NPAS2: variants seen among roughly 807,000 people sequenced by gnomAD.
The protein encoded by NPAS2 is neuronal PAS domain protein 2, also known as neuronal PAS domain-containing protein 2.
NPAS2 carries 23 observed loss-of-function variants against 107.5 expected under a neutral mutation model. That is an observed-to-expected ratio of 0.21 (90% confidence interval 0.15 to 0.30). The LOEUF is 0.30. Ranked by LOEUF, NPAS2 falls within the 10% of genes least tolerant of loss-of-function variation. The pLI is 1.00. For synonymous variants in NPAS2, 403 were observed against 417.5 expected (o/e 0.97, Z 0.42); for missense variants, 756 against 1,043.3 (o/e 0.72, Z 3.79).
At chr2:100,959,446 C>T (rs1440405143) in intron 7 of NPAS2, among the ~76,000 whole-genome samples, 1 of 152,140 alleles carries the variant, frequency 6.6e-6, no homozygotes, top group Non-Finnish European at 1.5e-5. Flanking sequence ...AGGATTATCA[C>T]GGTGCTCTCC....
intron 2 of NPAS2, among the ~76,000 whole-genome samples, chr2:100,914,398 G>A (rs1287145800): frequency 1.3e-5 from 2 of 152,184 alleles, no homozygotes; most frequent in African/African-American, 4.8e-5. Flanking sequence ...CTCTCAGAGG[G>A]TAGGGAAGCA....
rs202137579 is a variant in NPAS2, at chr2:100,949,374, C to T, written c.492C>T (p.Ser164=). Residue 164 remains serine, a synonymous_variant, in exon 7 of 21, where the codon AGC becomes AGT. Transcript: ENST00000335681. ...SPSPEYLKSD[S]DLEFYCHLLR... Reference sequence around the variant, plus strand: ...CTTCCTTTAACGGCCCAGCTGACAGCGATTTAGAGTTTTATTGCCATCTTC... The same window carrying T: ...CTTCCTTTAACGGCCCAGCTGACAGTGATTTAGAGTTTTATTGCCATCTTC... 43 of 1,606,500 alleles carry T rather than the reference C, an allele frequency of 2.7e-5. No homozygotes were observed. Among genetic ancestry groups the T allele is most frequent in the Non-Finnish European group, 2.6e-5 (31 of 1,173,224 alleles).
In NPAS2 at chr2:100,856,785, C is replaced by A. The variant is rs539604251; in HGVS notation, c.-23+36371C>A. Among the ~76,000 whole-genome samples the A allele has an allele frequency of 2.6e-5, 4 of 152,230 alleles. No homozygotes were observed. The South Asian group carries it at 8.3e-4, about 32-fold the overall frequency. On this transcript the variant is annotated intron_variant, in intron 1 of 20. Coordinates refer to ENST00000335681, the MANE Select transcript of NPAS2 (RefSeq NM_002518.4). ...AATCAAAAGGAAGCACCTGTGGTGC[C>A]AGGGAAGGACCAAACATGAAAAGAG... is the stretch of plus-strand genomic sequence containing the variant.
At chr2:100,878,369 T>C in intron 1 of NPAS2, 1 of 985,412 alleles carries the variant, frequency 1.0e-6, no homozygotes, top group Non-Finnish European at 1.2e-6. Flanking sequence ...GGAATGTCCT[T>C]CTTTGGAAGC....
At chr2:100,897,226 A>G (rs1354131460) in intron 1 of NPAS2, among the ~76,000 whole-genome samples, 2 of 152,150 alleles carry the variant, frequency 1.3e-5, no homozygotes, top group Non-Finnish European at 2.9e-5. Context: ...TGGGAACTAA[A>G]TTCAAGATGA....
chr2:100,923,287 T>C (rs1683353987), intron 2 of NPAS2, among the ~76,000 whole-genome samples: 1 of 152,122 alleles, frequency 6.6e-6, no homozygotes, highest in African/African-American at 2.4e-5. Context: ...TAAAGGGTAG[T>C]GACCACACAC....
At chr2:100,895,078 C>T (rs938421702) in intron 1 of NPAS2, among the ~76,000 whole-genome samples, 1 of 150,768 alleles carries the variant, frequency 6.6e-6, no homozygotes, top group Non-Finnish European at 1.5e-5. Context: ...TTCTAGACAG[C>T]GTATGTGTGT....
At chr2:100,969,096 C>T (rs896419265) in intron 11 of NPAS2, among the ~76,000 whole-genome samples, 3 of 151,688 alleles carry the variant, frequency 2.0e-5, no homozygotes, top group African/African-American at 4.8e-5. Context: ...ATTTTAAGAA[C>T]GTAAATTAGT....
At chr2:100,924,403 A>C (rs1246841397) in intron 2 of NPAS2, among the ~76,000 whole-genome samples, 1 of 152,234 alleles carries the variant, frequency 6.6e-6, no homozygotes, top group African/African-American at 2.4e-5. Context: ...AACCCCTAGC[A>C]ACCACTGATC....
chr2:100,975,219 G>A (rs1044990421), intron 13 of NPAS2: 9 of 579,484 alleles, frequency 1.6e-5, no homozygotes, highest in Non-Finnish European at 2.4e-5. Flanking sequence ...GGAGGCGTCT[G>A]ATCAGGCAGC....
At chr2:100,853,991 A>G (rs1055886910) in intron 1 of NPAS2, among the ~76,000 whole-genome samples, 20 of 139,000 alleles carry the variant, frequency 1.4e-4, no homozygotes, top group Non-Finnish European at 3.0e-4. Context: ...AAAAAAAAAA[A>G]CACAAAAAAT....
Position 100,834,085 on chromosome 2 carries a change from T to C in NPAS2, c.-23+13671T>C, listed in dbSNP as rs748787738. ...AAGCAAAGAGGCCTTTGCTGACTCCTGGAGCTTGCCCGGCACCGAACAGAC... is the reference window on the plus strand; with the variant it reads ...AAGCAAAGAGGCCTTTGCTGACTCCCGGAGCTTGCCCGGCACCGAACAGAC... On this transcript the variant is annotated intron_variant, in intron 1 of 20. Coordinates refer to ENST00000335681, the MANE Select transcript of NPAS2 (RefSeq NM_002518.4). Among the ~76,000 whole-genome samples, 123 of 152,170 alleles carry C rather than the reference T, an allele frequency of 8.1e-4. 5 individuals are homozygous for C. Among genetic ancestry groups the C allele is most frequent in the Non-Finnish European group, 5.1e-4 (35 of 68,028 alleles).
At chr2:100,854,772 A>C (rs1212744354) in intron 1 of NPAS2, among the ~76,000 whole-genome samples, 1 of 152,180 alleles carries the variant, frequency 6.6e-6, no homozygotes, top group Non-Finnish European at 1.5e-5. Flanking sequence ...GAAGCCCCAC[A>C]AAGGGAGTAC....
Position 100,988,314 on chromosome 2 carries a change from A to G in NPAS2, c.1827+38A>G, listed in dbSNP as rs59101822. The G allele has an allele frequency of 6.0e-3, 9,304 of 1,562,858 alleles. 441 individuals carry two copies. The African/African-American group carries it at 0.1, about 18-fold the overall frequency. On this transcript the variant is annotated intron_variant, in intron 17 of 20. Transcript: ENST00000335681. ...CTTGCCAGCTTCACTCCTTGCCTCT[A>G]GAGCAGACACCCTCTTGCAGTTTGG...
In NPAS2 at chr2:100,995,945, C is replaced by A; in HGVS notation, c.*363C>A. On this transcript the variant is annotated 3_prime_UTR_variant, in exon 21 of 21. Transcript: ENST00000335681. ...TAGCCACCTGCGGCCCGCCCATCTG[C>A]GCTAGCTGGCCTTCACGCTCTTGAT... 1 of 1,369,010 alleles carries A rather than the reference C, an allele frequency of 7.3e-7. No homozygotes were observed. Among genetic ancestry groups the A allele is most frequent in the Non-Finnish European group, 9.6e-7 (1 of 1,040,102 alleles). 84.8% of individuals were successfully genotyped at this position (1,369,010 alleles called of 1,614,324 possible). A position where few individuals can be genotyped will look rare whatever the true frequency, so the allele number is the denominator to read the frequency against.
chr2:100,976,352 G>C lies in NPAS2; in HGVS notation c.1392+785G>C, dbSNP rs1238063564. ...CTTAGGCTTCTCCTGGCATGGTGGT[G>C]GACTCCAGGTTCCAAGAGGAGACAC... is the stretch of plus-strand genomic sequence containing the variant. On this transcript the variant is annotated intron_variant, in intron 14 of 20. Coordinates refer to ENST00000335681, the MANE Select transcript of NPAS2 (RefSeq NM_002518.4). The surrounding 1 kb of genome is among the most constrained non-coding windows in gnomAD (Gnocchi z 4.1). Among the ~76,000 whole-genome samples the C allele has an allele frequency of 6.6e-6, 1 of 152,038 alleles. No homozygotes were observed. Among genetic ancestry groups the C allele is most frequent in the Non-Finnish European group, 1.5e-5 (1 of 68,018 alleles).
intron 1 of NPAS2, among the ~76,000 whole-genome samples, chr2:100,888,629 A>G (rs1680859910): frequency 6.6e-6 from 1 of 152,160 alleles, no homozygotes; most frequent in African/African-American, 2.4e-5. Context: ...AGAGTTGTTC[A>G]GGGGAAAATA....
At chr2:100,927,440 A>G (rs1045491471) in intron 3 of NPAS2, among the ~76,000 whole-genome samples, 1 of 152,214 alleles carries the variant, frequency 6.6e-6, no homozygotes, top group Admixed American at 6.5e-5. Flanking sequence ...ATAACTGTAC[A>G]GTTGAATTAA....
At chr2:100,847,321 A>G (rs1336729057) in intron 1 of NPAS2, 1 of 152,220 alleles carries the variant, frequency 6.6e-6, no homozygotes, top group Non-Finnish European at 1.5e-5. Context: ...GTCACTTAAA[A>G]TGGTTAAAAT....
Sources: allele counts gnomAD v4.1 joint callset (sites outside exome capture counted in the v4.1 genomes callset), GRCh38; gene constraint gnomAD v4.1.1; non-coding constraint Gnocchi (gnomAD v3.1); transcripts MANE v1.5; gene names NCBI Gene and HGNC (gene_info 2026-07-23, HGNC 2026-07-21).